CACNA1B: variants seen among roughly 807,000 people sequenced by gnomAD.
CACNA1B encodes voltage-dependent N-type calcium channel subunit alpha-1B.
A neutral mutation model predicts 247.2 loss-of-function variants in CACNA1B; 70 were observed. The observed-to-expected ratio is 0.28, with a 90% confidence interval of 0.23 to 0.35. CACNA1B has a LOEUF of 0.35. CACNA1B is among the 10% of genes least tolerant of loss of function. The pLI, the probability that CACNA1B is intolerant of heterozygous loss-of-function variation, is 1.00. For synonymous variants in CACNA1B, 1,231 were observed against 1,294.4 expected (o/e 0.95, Z 1.05); for missense variants, 2,367 against 3,197.4 (o/e 0.74, Z 6.26).
intron 15 of CACNA1B, among the ~76,000 whole-genome samples, 191 bp downstream of exon 15, chr9:137,987,045 G>A (rs1176158868): frequency 1.3e-5 from 2 of 152,228 alleles, no homozygotes; most frequent in Non-Finnish European, 2.9e-5. Flanking sequence ...CAGGTCCGGG[G>A]GCCCCAGCCC....
At chr9:137,910,682 G>A (rs1194153331) in intron 3 of CACNA1B, among the ~76,000 whole-genome samples, 2 of 152,108 alleles carry the variant, frequency 1.3e-5, no homozygotes, top group South Asian at 4.1e-4. Flanking sequence ...CCTCACATGT[G>A]CAGTTCACAG....
chr9:138,116,226 G>GAAA (rs1961864207), intron 42 of CACNA1B, among the ~76,000 whole-genome samples: 1 of 151,698 alleles, frequency 6.6e-6, no homozygotes, highest in Non-Finnish European at 1.5e-5. Context: ...AACCCCGTAA[G>GAAA]GCACTTTTCC....
rs908645418 is a variant in CACNA1B, at chr9:138,050,829, G to T, written c.3711-1263G>T. Among the ~76,000 whole-genome samples the T allele has an allele frequency of 1.3e-5, 2 of 152,186 alleles. No homozygotes were observed. The highest frequency in any genetic ancestry group is 4.8e-5 in the African/African-American group (2 of 41,442). On this transcript the variant is annotated intron_variant, in intron 24 of 46. Transcript: ENST00000371372. This position sits in a 1 kb window ranked among gnomAD's most constrained non-coding sequence, Gnocchi z 5.2. The stretch of plus-strand genomic sequence containing the variant: ...TGGGGTGATGGAGACAGGAGGCTGG[G>T]TTCTTCCCACCTGGAAGCGTTTCAG...
chr9:137,980,692 G>A (rs1400651088), intron 12 of CACNA1B, among the ~76,000 whole-genome samples: 1 of 152,162 alleles, frequency 6.6e-6, no homozygotes, highest in Non-Finnish European at 1.5e-5. Flanking sequence ...ACTCCCCACT[G>A]TCTATTGTTC....
chr9:137,895,203 T>A (rs1957159474), intron 3 of CACNA1B, among the ~76,000 whole-genome samples: 1 of 152,236 alleles, frequency 6.6e-6, no homozygotes, highest in Non-Finnish European at 1.5e-5. Context: ...TCCATTGATC[T>A]GTGTGTGTCC....
At chr9:138,120,983 C>CT in intron 46 of CACNA1B, 102 bp downstream of exon 46, 1 of 1,359,418 alleles carries the variant, frequency 7.4e-7, no homozygotes, top group Non-Finnish European at 9.9e-7. Flanking sequence ...CGCTGCTGCC[C>CT]TTTGTCATTC....
chr9:138,120,464 G>A, intron 45 of CACNA1B, 92 bp downstream of exon 45: 3 of 1,419,534 alleles, frequency 2.1e-6, no homozygotes, highest in Non-Finnish European at 2.8e-6. Context: ...TTCCTTTGTG[G>A]GCCTCGTGAC....
chr9:138,063,318 C>A (rs1377205448), intron 31 of CACNA1B, among the ~76,000 whole-genome samples: 1 of 152,154 alleles, frequency 6.6e-6, no homozygotes, highest in Non-Finnish European at 1.5e-5. Flanking sequence ...GACGGCGAGA[C>A]CCTGTCTCTG....
Position 138,085,795 on chromosome 9 carries a change from C to A in CACNA1B, c.5094+7537C>A, listed in dbSNP as rs990473549. On this transcript the variant is annotated intron_variant, in intron 36 of 46. Transcript: ENST00000371372. ...TGTCAGTCAAGAATACTATACCCAG[C>A]AAAGCTATCCTTCAGAAATGAGGGA... is the stretch of plus-strand genomic sequence containing the variant. Among the ~76,000 whole-genome samples, 5 of 151,202 alleles carry A rather than the reference C, an allele frequency of 3.3e-5. 1 individual carries two copies. The highest frequency in any genetic ancestry group is 1.2e-4 in the African/African-American group (5 of 40,852).
At chr9:137,907,124 GT>G (rs1957308488) in intron 3 of CACNA1B, among the ~76,000 whole-genome samples, 1 of 152,164 alleles carries the variant, frequency 6.6e-6, no homozygotes, top group South Asian at 2.1e-4. Flanking sequence ...GCGTGTGAGT[GT>G]GTCTGTGTAT....
chr9:138,036,700 A>G (rs925149537), intron 20 of CACNA1B, among the ~76,000 whole-genome samples: 3 of 152,142 alleles, frequency 2.0e-5, no homozygotes, highest in Non-Finnish European at 2.9e-5. Flanking sequence ...AATCAATTTT[A>G]TTGTGGAAAA....
rs77045862 is a variant in CACNA1B, at chr9:138,072,654, C to A, written c.4675-834C>A. 1.3e-5 allele frequency among the ~76,000 whole-genome samples: 2 copies of A among 152,234 alleles called. No homozygotes were observed. Among genetic ancestry groups the A allele is most frequent in the African/African-American group, 4.8e-5 (2 of 41,454 alleles). On this transcript the variant is annotated intron_variant, in intron 32 of 46. Transcript: ENST00000371372. This position sits in a 1 kb window ranked among gnomAD's most constrained non-coding sequence, Gnocchi z 4.5. ...GTCCACAAGCACCCCCATCTGTGCACGGACACCTCCCCAGAGCCTGCTTCC... is the reference window on the plus strand; with the variant it reads ...GTCCACAAGCACCCCCATCTGTGCAAGGACACCTCCCCAGAGCCTGCTTCC...
chr9:137,897,131 A>C (rs1331019452), intron 3 of CACNA1B, among the ~76,000 whole-genome samples: 2 of 151,850 alleles, frequency 1.3e-5, no homozygotes, highest in Non-Finnish European at 2.9e-5. Context: ...TTTTTTGCTT[A>C]CTATTTCATT....
At chr9:138,088,317 C>T (rs548313271) in intron 36 of CACNA1B, among the ~76,000 whole-genome samples, 14 of 151,260 alleles carry the variant, frequency 9.3e-5, no homozygotes, top group Admixed American at 3.3e-4. Context: ...TGCAGTGAGC[C>T]GAGATTATGC....
intron 3 of CACNA1B, among the ~76,000 whole-genome samples, chr9:137,906,121 A>G (rs1359280016): frequency 6.6e-6 from 1 of 151,922 alleles, no homozygotes; most frequent in Non-Finnish European, 1.5e-5. Flanking sequence ...ATGGCTCTCA[A>G]GATTATAGAA....
chr9:138,114,143 G>A (rs1961770623), intron 40 of CACNA1B, among the ~76,000 whole-genome samples: 1 of 152,178 alleles, frequency 6.6e-6, no homozygotes, highest in African/African-American at 2.4e-5. Context: ...GAGGCCTCAG[G>A]AGGAGTCAGG....
At position 138,058,686 on chromosome 9, in the gene CACNA1B, T is replaced by G; in HGVS notation, c.4426T>G (p.Phe1476Val). 2 of 1,612,334 alleles carry G rather than the reference T, an allele frequency of 1.2e-6. No individual in the cohort carries two copies. Among genetic ancestry groups the G allele is most frequent in the Non-Finnish European group, 1.7e-6 (2 of 1,179,198 alleles). Residue 1476 changes from phenylalanine (F) to valine (V), a missense_variant, in exon 29 of 47, where the codon TTC becomes GTC. By Grantham distance (50) the Phe-to-Val change is conservative. Coordinates refer to ENST00000371372, the MANE Select transcript of CACNA1B (RefSeq NM_000718.4). The surrounding 1 kb of genome is among the most constrained non-coding windows in gnomAD (Gnocchi z 4.7). Reference protein sequence around the residue: ...TFVVSPPFEYFIMAMIALNTV... With the variant: ...TFVVSPPFEYVIMAMIALNTV... ...TGTGGTCTCCCCGCCCTTTGAATAC[T>G]TCATCATGGCCATGATAGCCCTCAA...
chr9:137,995,990 A>G (rs570885324), intron 15 of CACNA1B, among the ~76,000 whole-genome samples: 1 of 152,376 alleles, frequency 6.6e-6, no homozygotes, highest in South Asian at 2.1e-4. Context: ...GAATGCCCAT[A>G]ATAAATGAAA....
intron 6 of CACNA1B, among the ~76,000 whole-genome samples, chr9:137,929,572 A>T (rs182320968): frequency 6.6e-6 from 1 of 152,082 alleles, no homozygotes; most frequent in Non-Finnish European, 1.5e-5. Flanking sequence ...GTAATAATAA[A>T]ACTAAAAAAT....
Sources: allele counts gnomAD v4.1 joint callset (sites outside exome capture counted in the v4.1 genomes callset), GRCh38; gene constraint gnomAD v4.1.1; non-coding constraint Gnocchi (gnomAD v3.1); transcripts MANE v1.5; gene names NCBI Gene and HGNC (gene_info 2026-07-23, HGNC 2026-07-21).